The following WNT7B variants were observed in gnomAD, a reference collection of about 807,000 sequenced individuals.
The protein encoded by WNT7B is protein Wnt-7b.
Under a neutral mutation model 38.2 loss-of-function variants are expected in WNT7B, and 19 were observed. The observed-to-expected ratio is 0.50, with a 90% CI of 0.35 to 0.73. The LOEUF is 0.73. Among genes scored for constraint, WNT7B ranks in the 30% least tolerant of loss-of-function variants. WNT7B has a pLI of 0.01. For synonymous variants in WNT7B, 243 were observed against 209.3 expected, an observed-to-expected ratio of 1.16 and a Z score of -1.39; for missense variants, 423 against 507.9, an observed-to-expected ratio of 0.83 and a Z score of 1.61.
chr22:45,935,739 C>G (rs541492381), intron 2 of WNT7B: 27 of 885,796 alleles, frequency 3.0e-5, no homozygotes, highest in Admixed American at 6.2e-5. Context: ...ATCTCCAAGA[C>G]AGCCCCATTC....
At chr22:45,964,744 G>A (rs1356080162) in intron 1 of WNT7B, among the ~76,000 whole-genome samples, 1 of 152,160 alleles carries the variant, frequency 6.6e-6, no homozygotes, top group Non-Finnish European at 1.5e-5. Flanking sequence ...GTGGCCATCA[G>A]ACTGACAGAT....
intron 2 of WNT7B, among the ~76,000 whole-genome samples, chr22:45,946,510 C>T (rs764769078): frequency 1.3e-5 from 2 of 152,200 alleles, no homozygotes; most frequent in African/African-American, 2.4e-5. Context: ...GAACACTGCT[C>T]GGCTGGGGAC....
rs781677556 is a variant in WNT7B, at chr22:45,976,790, G to A, written c.-36C>T. ...GGGGGGCTGCGCCATAGACAGCGGC[G>A]GCCGGAGGGGACGCGCGGGCCCGGC... On this transcript the variant is annotated 5_prime_UTR_variant, in exon 1 of 4. Transcript: ENST00000339464. The surrounding 1 kb of genome is among the most constrained non-coding windows in gnomAD (Gnocchi z 8.5). 2.5e-6 allele frequency: 4 copies of A among 1,578,392 alleles called. No homozygotes were observed. Among genetic ancestry groups the A allele is most frequent in the South Asian group, 1.1e-5 (1 of 89,144 alleles).
chr22:45,975,726 CGG>C lies in WNT7B; in HGVS notation c.71+956_71+957del. 1 of 457,294 alleles carries C rather than the reference CGG, an allele frequency of 2.2e-6. No homozygotes were observed. Among genetic ancestry groups the C allele is most frequent in the East Asian group, 3.5e-5 (1 of 28,674 alleles). 28.3% of individuals were successfully genotyped at this position (457,294 alleles called of 1,614,324 possible). A position where few individuals can be genotyped will look rare whatever the true frequency, so the allele number is the denominator to read the frequency against. ...ACGGGGCTCGCCTCGGGGCAGCCGG[CGG>C]CGCACAGTAGGCGCGCAGGGCGCGG... On this transcript the variant is annotated intron_variant, in intron 1 of 3. Transcript: ENST00000339464. The surrounding 1 kb of genome is among the most constrained non-coding windows in gnomAD (Gnocchi z 6.6).
At chr22:45,943,387 T>A (rs546129028) in intron 2 of WNT7B, among the ~76,000 whole-genome samples, 35 of 152,358 alleles carry the variant, frequency 2.3e-4, no homozygotes, top group African/African-American at 7.9e-4. Flanking sequence ...GCGGAGGCCC[T>A]CACACGCCAA....
Position 45,936,562 on chromosome 22 carries a change from A to C in WNT7B, c.299-5193T>G, listed in dbSNP as rs549786964. On this transcript the variant is annotated intron_variant, in intron 2 of 3. Transcript: ENST00000339464. ...GAAATTGCCTGGCCATGCAAGGGCC[A>C]TCCAGCTCTGCTCCCTTTTCCGTAA... 2.0e-5 allele frequency among the ~76,000 whole-genome samples: 3 copies of C among 152,374 alleles called. No individual in the cohort carries two copies. In the East Asian group the frequency reaches 5.8e-4, roughly 29 times the overall value.
At chr22:45,933,790 T>C (rs1601721126) in intron 2 of WNT7B, among the ~76,000 whole-genome samples, 1 of 152,120 alleles carries the variant, frequency 6.6e-6, no homozygotes, top group East Asian at 1.9e-4. Flanking sequence ...AGGCGTGCAC[T>C]CCCGGCCTGG....
At chr22:45,956,736 C>T (rs934313207) in intron 1 of WNT7B, among the ~76,000 whole-genome samples, 7 of 152,208 alleles carry the variant, frequency 4.6e-5, no homozygotes, top group Admixed American at 6.5e-5. Context: ...TGCTGACACA[C>T]GTCAACACGG....
intron 2 of WNT7B, among the ~76,000 whole-genome samples, chr22:45,946,193 C>G (rs1031297835): frequency 2.0e-5 from 3 of 152,220 alleles, no homozygotes; most frequent in African/African-American, 7.2e-5. Context: ...TGCCCTCACC[C>G]TCCAGCCTCT....
intron 1 of WNT7B, among the ~76,000 whole-genome samples, chr22:45,952,428 C>A (rs1368564489): frequency 2.6e-5 from 4 of 152,194 alleles, no homozygotes; most frequent in Non-Finnish European, 5.9e-5. Flanking sequence ...CAGAAAAGCC[C>A]CAGGCTGGCA....
intron 3 of WNT7B, among the ~76,000 whole-genome samples, chr22:45,929,723 C>T (rs1931252499): frequency 9.1e-6 from 1 of 109,312 alleles, no homozygotes; most frequent in Non-Finnish European, 2.0e-5. Flanking sequence ...CGTGAATCCA[C>T]TCACCCATCC....
intron 1 of WNT7B, among the ~76,000 whole-genome samples, chr22:45,969,587 C>T (rs1040026180): frequency 5.3e-5 from 8 of 152,252 alleles, no homozygotes; most frequent in East Asian, 3.8e-4. Flanking sequence ...CCGCCTAGCA[C>T]GGCTGCAAGT....
At chr22:45,936,211 T>C (rs970626239) in intron 2 of WNT7B, 4 of 976,704 alleles carry the variant, frequency 4.1e-6, no homozygotes, top group Non-Finnish European at 4.9e-6. Flanking sequence ...CAGCCCTCTC[T>C]GAGCCTGTGT....
intron 1 of WNT7B, among the ~76,000 whole-genome samples, chr22:45,956,374 G>A (rs1601734813): frequency 1.3e-5 from 2 of 152,166 alleles, no homozygotes; most frequent in South Asian, 4.1e-4. Context: ...GCTCATTACT[G>A]ACCTCATTCA....
intron 3 of WNT7B, among the ~76,000 whole-genome samples, chr22:45,929,564 CCCCTCATTCATCCATA>C (rs1288101260): frequency 2.7e-5 from 4 of 146,034 alleles, no homozygotes; most frequent in African/African-American, 1.0e-4. Context: ...TTCCACCCAT[CCCCTCATTCATCCATA>C]CTTCCATCCA....
chr22:45,935,478 C>G (rs1447142943), intron 2 of WNT7B, among the ~76,000 whole-genome samples: 1 of 152,172 alleles, frequency 6.6e-6, no homozygotes, highest in Non-Finnish European at 1.5e-5. Flanking sequence ...GCAGCCCCCT[C>G]CCTTCCTGGA....
rs796470139 is a variant in WNT7B at position 45,951,170 on chromosome 22, C to G, written c.72-1024G>C. Among the ~76,000 whole-genome samples, 2 of 152,152 alleles carry G rather than the reference C, an allele frequency of 1.3e-5. No homozygotes were observed. The highest frequency in any genetic ancestry group is 4.1e-4 in the South Asian group (2 of 4,826). Reference sequence around the variant, plus strand: ...TCAGCTCACTGCAACCTCCACATTCCGGGTTCAAGCCATCCTTTTGCCTTA... The same window carrying G: ...TCAGCTCACTGCAACCTCCACATTCGGGGTTCAAGCCATCCTTTTGCCTTA... On this transcript the variant is annotated intron_variant, in intron 1 of 3. Coordinates refer to ENST00000339464, the MANE Select transcript of WNT7B (RefSeq NM_058238.3). This position sits in a 1 kb window ranked among gnomAD's most constrained non-coding sequence, Gnocchi z 4.8.
At chr22:45,927,592 GT>G in intron 3 of WNT7B, 1 of 1,002,898 alleles carries the variant, frequency 1.0e-6, no homozygotes, top group Non-Finnish European at 1.5e-6. Context: ...CAATGAGAGT[GT>G]CCATATAAGA....
chr22:45,926,946 C>G, intron 3 of WNT7B: 4 of 985,438 alleles, frequency 4.1e-6, no homozygotes, highest in Non-Finnish European at 4.8e-6. Context: ...AGGGCTGTGC[C>G]AAGACGTGGG....
Sources: allele counts gnomAD v4.1 joint callset (sites outside exome capture counted in the v4.1 genomes callset), GRCh38; gene constraint gnomAD v4.1.1; non-coding constraint Gnocchi (gnomAD v3.1); transcripts MANE v1.5; gene names NCBI Gene and HGNC (gene_info 2026-07-23, HGNC 2026-07-21).